The following SEM1 variants were observed in gnomAD, a reference collection of about 807,000 sequenced individuals.
SEM1 encodes the protein SEM1 26S proteasome subunit.
In SEM1, 3 loss-of-function variants were observed where a neutral mutation model predicts 12.7. The ratio of observed to expected loss-of-function variants is 0.24; its 90% CI spans 0.11 to 0.61. The LOEUF is 0.61. Ranked by LOEUF, SEM1 falls within the 20% of genes least tolerant of loss-of-function variation. The pLI, the probability that SEM1 is intolerant of heterozygous loss-of-function variation, is 0.88. For synonymous variants in SEM1, 30 were observed against 27.8 expected (o/e 1.08, Z -0.25); for missense variants, 59 against 81.3 (o/e 0.73, Z 1.06).
intron 2 of SEM1, among the ~76,000 whole-genome samples, chr7:96,522,168 G>A (rs771017228): frequency 5.9e-5 from 9 of 152,042 alleles, no homozygotes; most frequent in Non-Finnish European, 1.3e-4. Context: ...CATACATCAC[G>A]TGTAGTTCCT....
intron 2 of SEM1, among the ~76,000 whole-genome samples, chr7:96,541,103 G>T (rs2115778797): frequency 6.6e-6 from 1 of 151,966 alleles, no homozygotes; most frequent in East Asian, 1.9e-4. Context: ...TACATATTCA[G>T]TAATGAGATT....
At chr7:96,643,365 T>G (rs1808677515) in intron 2 of SEM1, among the ~76,000 whole-genome samples, 1 of 152,108 alleles carries the variant, frequency 6.6e-6, no homozygotes, top group Middle Eastern at 3.2e-3. Flanking sequence ...AATTTTTTAT[T>G]ATACTTTAAG....
chr7:96,498,207 A>G (rs1011262909), upstream of SEM1, among the ~76,000 whole-genome samples: 8 of 152,212 alleles, frequency 5.3e-5, no homozygotes, highest in African/African-American at 1.9e-4. Flanking sequence ...CCCGCCTTCT[A>G]GGCTCATGCT....
intron 2 of SEM1, among the ~76,000 whole-genome samples, chr7:96,626,381 T>C (rs993787932): frequency 2.0e-5 from 3 of 152,208 alleles, no homozygotes; most frequent in African/African-American, 4.8e-5. Context: ...TGAATAGTAG[T>C]ATTACATCGT....
chr7:96,539,504 A>G (rs1447499332), intron 2 of SEM1, among the ~76,000 whole-genome samples: 1 of 151,810 alleles, frequency 6.6e-6, no homozygotes, highest in African/African-American at 2.4e-5. Flanking sequence ...AGCCATTTAA[A>G]ATATAATGGT....
intron 2 of SEM1, among the ~76,000 whole-genome samples, chr7:96,485,786 C>T (rs939461149): frequency 1.1e-4 from 17 of 151,864 alleles, no homozygotes; most frequent in African/African-American, 3.6e-4. Context: ...GTGATCTGTC[C>T]ACCTCGGCCT....
At chr7:96,610,064 C>G (rs1807494577) in intron 2 of SEM1, among the ~76,000 whole-genome samples, 2 of 151,938 alleles carry the variant, frequency 1.3e-5, no homozygotes, top group South Asian at 4.2e-4. Flanking sequence ...ATGTTAGTCT[C>G]TCCCCACTGA....
upstream of SEM1, among the ~76,000 whole-genome samples, chr7:96,500,306 T>A (rs116139126): frequency 9.0e-3 from 1,368 of 152,160 alleles, 19 homozygotes; most frequent in African/African-American, 0.031. Context: ...GGTGGCTCTC[T>A]GGGCCAAGTG....
At chr7:96,502,982 C>G (rs1269374476) in intron 3 of SEM1, among the ~76,000 whole-genome samples, 2 of 152,136 alleles carry the variant, frequency 1.3e-5, no homozygotes, top group African/African-American at 4.8e-5. Context: ...AATCTAAGAC[C>G]CAGCAGTGCT....
At chr7:96,508,658 G>C (rs2117290283) in intron 2 of SEM1, among the ~76,000 whole-genome samples, 1 of 152,236 alleles carries the variant, frequency 6.6e-6, no homozygotes, top group Non-Finnish European at 1.5e-5. Context: ...TGTTATTACT[G>C]TCAATAGGAC....
At chr7:96,695,390 T>C (rs1790057963) in intron 1 of SEM1, 1 of 152,000 alleles carries the variant, frequency 6.6e-6, no homozygotes, top group Non-Finnish European at 1.5e-5. Context: ...AGAATAAACA[T>C]AAATATGCAT....
chr7:96,661,804 A>G (rs1386944989), intron 2 of SEM1, among the ~76,000 whole-genome samples: 1 of 152,062 alleles, frequency 6.6e-6, no homozygotes, highest in Non-Finnish European at 1.5e-5. Flanking sequence ...CCTGACCAAC[A>G]TGGAGAAACC....
At chr7:96,601,794 G>A (rs1397492535) in intron 2 of SEM1, among the ~76,000 whole-genome samples, 1 of 150,744 alleles carries the variant, frequency 6.6e-6, no homozygotes. Context: ...GATAGACTCA[G>A]GAAGACCAAA....
chr7:96,688,113 G>A (rs1056261565), downstream of SEM1: 1 of 151,996 alleles, frequency 6.6e-6, no homozygotes, highest in Admixed American at 6.6e-5. Flanking sequence ...AAAATACCCC[G>A]TACATTTAAG....
At chr7:96,535,263 G>T (rs952510137) in intron 2 of SEM1, among the ~76,000 whole-genome samples, 1 of 151,794 alleles carries the variant, frequency 6.6e-6, no homozygotes, top group African/African-American at 2.4e-5. Flanking sequence ...ATGGTCTAGT[G>T]TCCTAGACCA....
At chr7:96,504,659 AT>A in intron 3 of SEM1, among the ~76,000 whole-genome samples, 1 of 152,086 alleles carries the variant, frequency 6.6e-6, no homozygotes, top group Non-Finnish European at 1.5e-5. Context: ...CTACAGTACC[AT>A]TTTCAAACCT....
intron 2 of SEM1, among the ~76,000 whole-genome samples, chr7:96,632,296 A>G (rs931323761): frequency 6.6e-6 from 1 of 152,212 alleles, no homozygotes; most frequent in Admixed American, 6.5e-5. Context: ...AAAGACTTGG[A>G]ACCAAGCAAA....
At chr7:96,683,092 T>C (rs542400996) in intron 2 of SEM1, among the ~76,000 whole-genome samples, 5 of 152,140 alleles carry the variant, frequency 3.3e-5, no homozygotes, top group Non-Finnish European at 7.4e-5. Flanking sequence ...AGGAACGCTT[T>C]TACACTGTTG....
At chr7:96,514,630 T>C (rs953804809) in intron 2 of SEM1, among the ~76,000 whole-genome samples, 1 of 151,956 alleles carries the variant, frequency 6.6e-6, no homozygotes, top group Non-Finnish European at 1.5e-5. Flanking sequence ...ACAAGTAAAA[T>C]TTGAAATTAG....
Sources: allele counts gnomAD v4.1 joint callset (sites outside exome capture counted in the v4.1 genomes callset), GRCh38; gene constraint gnomAD v4.1.1; transcripts MANE v1.5; gene names NCBI Gene and HGNC (gene_info 2026-07-23, HGNC 2026-07-21).